Variants in PHEX observed in about 807,000 individuals in gnomAD.
PHEX encodes phosphate-regulating neutral endopeptidase PHEX.
A neutral mutation model predicts 68.0 loss-of-function variants in PHEX; 16 were observed. That is an observed-to-expected ratio of 0.24 (90% CI 0.16 to 0.36). PHEX has a LOEUF of 0.36. Ranked by LOEUF, PHEX falls within the 10% of genes least tolerant of loss-of-function variation. PHEX has a pLI of 1.00. For synonymous variants in PHEX, 208 were observed against 205.1 expected (o/e 1.01, Z -0.12); for missense variants, 480 against 575.5 (o/e 0.83, Z 1.70).
intron 9 of PHEX, among the ~76,000 whole-genome samples, chrX:22,104,072 A>G (rs1930554772): frequency 9.0e-6 from 1 of 111,454 alleles, no homozygotes; most frequent in South Asian, 3.7e-4. Context: ...CATTTTTCAT[A>G]TGTTTGTTGG....
At chrX:22,176,384 CAAAAAAAA>C (rs61277745) in intron 13 of PHEX, among the ~76,000 whole-genome samples, 19 of 73,906 alleles carry the variant, frequency 2.6e-4, no homozygotes, top group Middle Eastern at 7.2e-3. Flanking sequence ...GAGACTGTCT[CAAAAAAAA>C]AAAAAAAAAA....
At chrX:22,236,554 T>A (rs771098905) in intron 20 of PHEX, among the ~76,000 whole-genome samples, 2 of 112,842 alleles carry the variant, frequency 1.8e-5, no homozygotes, top group Non-Finnish European at 3.8e-5. Flanking sequence ...CTTTCTAGAG[T>A]TGGGATTGGC....
chrX:22,087,431 A>C (rs1353722074), intron 5 of PHEX, among the ~76,000 whole-genome samples: 1 of 111,817 alleles, frequency 8.9e-6, no homozygotes, highest in Non-Finnish European at 1.9e-5. Context: ...TGAGGATTTT[A>C]GCAGTATACA....
At chrX:22,185,001 G>A (rs1933984680) in intron 14 of PHEX, among the ~76,000 whole-genome samples, 1 of 111,928 alleles carries the variant, frequency 8.9e-6, no homozygotes, top group Non-Finnish European at 1.9e-5. Flanking sequence ...TAAGAAAAAT[G>A]TAAAACTTTA....
chrX:22,049,940 T>C (rs754554341), intron 3 of PHEX, among the ~76,000 whole-genome samples: 12 of 112,742 alleles, frequency 1.1e-4, no homozygotes, highest in Admixed American at 3.8e-4. Context: ...CATCAACTGC[T>C]TTCTGTGGTA....
intron 21 of PHEX, among the ~76,000 whole-genome samples, chrX:22,247,051 G>T (rs1236267579): frequency 9.0e-6 from 1 of 111,619 alleles, no homozygotes; most frequent in Non-Finnish European, 1.9e-5. Flanking sequence ...TGCTGAGTAG[G>T]AATCCAGTCT....
At chrX:22,075,748 G>A (rs1042123420) in intron 3 of PHEX, among the ~76,000 whole-genome samples, 2 of 111,865 alleles carry the variant, frequency 1.8e-5, no homozygotes, top group African/African-American at 6.5e-5. Flanking sequence ...TGTCTGTGCT[G>A]GCAACCATTG....
At chrX:22,192,253 T>C (rs1447712232) in intron 15 of PHEX, among the ~76,000 whole-genome samples, 1 of 111,887 alleles carries the variant, frequency 8.9e-6, no homozygotes, top group Non-Finnish European at 1.9e-5. Context: ...ATCACATTTC[T>C]ACAGTGTTGA....
At chrX:22,247,482 A>C (rs1262742505) in intron 21 of PHEX, among the ~76,000 whole-genome samples, 1 of 112,245 alleles carries the variant, frequency 8.9e-6, no homozygotes, top group Non-Finnish European at 1.9e-5. Context: ...AGATAGTAAT[A>C]TGGGCATATA....
intron 3 of PHEX, among the ~76,000 whole-genome samples, chrX:22,055,285 T>G (rs1389814341): frequency 2.8e-5 from 3 of 105,838 alleles, no homozygotes; most frequent in Non-Finnish European, 5.8e-5. Flanking sequence ...GCAATGGATA[T>G]CCCAATTACC....
intron 3 of PHEX, among the ~76,000 whole-genome samples, chrX:22,069,183 A>T (rs759150046): frequency 1.8e-5 from 2 of 111,731 alleles, no homozygotes; most frequent in East Asian, 5.6e-4. Flanking sequence ...TAAAAATGCT[A>T]TACGAAAAAA....
At chrX:22,186,299 A>G (rs1042885570) in intron 14 of PHEX, among the ~76,000 whole-genome samples, 2 of 111,884 alleles carry the variant, frequency 1.8e-5, no homozygotes, top group Admixed American at 1.9e-4. Context: ...GGGAAGTTGT[A>G]TCACCTTTAA....
At chrX:22,099,441 G>T in intron 9 of PHEX, 5 of 240,402 alleles carry the variant, frequency 2.1e-5, no homozygotes, top group Non-Finnish European at 3.7e-5. Flanking sequence ...ATATAATGAT[G>T]TTATTTTCTA....
chrX:22,249,455 A>AAAATATATATATATATATATATATATAT lies in PHEX; in HGVS notation c.*1503_*1504insAATATATATATATATATATATATATATA. The AAAATATATATATATATATATATATATAT allele has an allele frequency of 5.0e-5, 2 of 39,758 alleles. No individual in the cohort carries two copies. Among genetic ancestry groups the AAAATATATATATATATATATATATATAT allele is most frequent in the Non-Finnish European group, 8.2e-5 (2 of 24,471 alleles). The allele number at this position is 39,758 out of a possible 1,213,427, so 3.3% of individuals were successfully genotyped here. On this transcript the variant is annotated 3_prime_UTR_variant, in exon 22 of 22. Transcript: ENST00000379374. ...TTGTGATTCTTTTAAAAAAAAAAAA[A>AAAATATATATATATATATATATATATAT]ATATATATATATATATATATATATA... is the stretch of plus-strand genomic sequence containing the variant.
intron 18 of PHEX, among the ~76,000 whole-genome samples, chrX:22,223,754 C>T (rs190468732): frequency 2.2e-3 from 250 of 112,325 alleles, no homozygotes; most frequent in African/African-American, 7.2e-3. Flanking sequence ...CAAACACACA[C>T]GAAACCCTCA....
chrX:22,074,499 A>G (rs1929057400), intron 3 of PHEX, among the ~76,000 whole-genome samples: 1 of 110,506 alleles, frequency 9.0e-6, no homozygotes, highest in Admixed American at 9.7e-5. Flanking sequence ...TTGGAAGCAG[A>G]CACAGGTAAA....
intron 2 of PHEX, among the ~76,000 whole-genome samples, chrX:22,044,707 T>A (rs1340209804): frequency 2.0e-5 from 2 of 102,057 alleles, no homozygotes; most frequent in African/African-American, 7.5e-5. Context: ...AGCAAGACTC[T>A]GTCTCAAAAA....
At chrX:22,115,971 C>G (rs959203076) in intron 11 of PHEX, among the ~76,000 whole-genome samples, 1 of 112,017 alleles carries the variant, frequency 8.9e-6, no homozygotes, top group Non-Finnish European at 1.9e-5. Flanking sequence ...GGATATATAC[C>G]CAGTAGTGGG....
At chrX:22,074,519 C>A (rs1929058219) in intron 3 of PHEX, among the ~76,000 whole-genome samples, 1 of 110,467 alleles carries the variant, frequency 9.1e-6, no homozygotes, top group Non-Finnish European at 1.9e-5. Flanking sequence ...ATATTTAATG[C>A]TTTTAGTTTT....
Sources: gnomAD v4.1 joint callset for allele counts (sites outside exome capture counted in the v4.1 genomes callset) on GRCh38, gnomAD v4.1.1 for gene constraint, MANE v1.5 for transcripts, NCBI Gene and HGNC (gene_info 2026-07-23, HGNC 2026-07-21) for gene names.